CADPS2: variants seen among roughly 807,000 people sequenced by gnomAD.
The protein encoded by CADPS2 is calcium dependent secretion activator 2, also known as calcium-dependent secretion activator 2.
Under a neutral mutation model 172.5 loss-of-function variants are expected in CADPS2, and 93 were observed. The observed-to-expected ratio is 0.54, with a 90% CI of 0.46 to 0.64. CADPS2 has a LOEUF of 0.64. CADPS2 is among the 30% of genes least tolerant of loss of function. The pLI is 0.00. For synonymous variants in CADPS2, 546 were observed against 555.2 expected (o/e 0.98, Z 0.23); for missense variants, 1,420 against 1,565.9 (o/e 0.91, Z 1.57).
intron 1 of CADPS2, among the ~76,000 whole-genome samples, chr7:122,860,703 AT>A (rs1450994378): frequency 2.0e-5 from 3 of 152,180 alleles, no homozygotes; most frequent in African/African-American, 7.2e-5. Flanking sequence ...CTGTAATTTT[AT>A]ACCTGCTGAC....
chr7:122,576,814 C>T (rs531912690), intron 7 of CADPS2, among the ~76,000 whole-genome samples: 23 of 150,244 alleles, frequency 1.5e-4, no homozygotes, highest in African/African-American at 5.4e-4. Context: ...GCTCTGTTGC[C>T]CAGTGGCGCG....
intron 2 of CADPS2, among the ~76,000 whole-genome samples, chr7:122,728,109 C>G (rs1452131347): frequency 6.6e-6 from 1 of 151,822 alleles, no homozygotes; most frequent in Non-Finnish European, 1.5e-5. Flanking sequence ...GGTCAAACAT[C>G]CCTTGAAATA....
intron 2 of CADPS2, among the ~76,000 whole-genome samples, chr7:122,705,651 A>G (rs1457291292): frequency 1.0e-5 from 1 of 96,386 alleles, no homozygotes; most frequent in Non-Finnish European, 1.9e-5. Flanking sequence ...TATATTATAT[A>G]ATATATCTCA....
chr7:122,387,418 C>T (rs2043825268), intron 23 of CADPS2, among the ~76,000 whole-genome samples: 1 of 151,816 alleles, frequency 6.6e-6, no homozygotes, highest in African/African-American at 2.4e-5. Context: ...GTATTGCCAC[C>T]CAAATGAAGC....
chr7:122,716,037 T>C (rs1429419641), intron 2 of CADPS2, among the ~76,000 whole-genome samples: 2 of 152,120 alleles, frequency 1.3e-5, no homozygotes, highest in African/African-American at 2.4e-5. Flanking sequence ...AAAAAAAGTA[T>C]GTGAGGTGAT....
In CADPS2 at chr7:122,708,520, GATATATAT is replaced by G. The variant is rs57522086; in HGVS notation, c.453+28427_453+28434del. On this transcript the variant is annotated intron_variant, in intron 2 of 29. Transcript: ENST00000449022. ...GTAGATCCAAACATATTGTATTCGA[GATATATAT>G]ATATATATATATATATATATATATA... Among the ~76,000 whole-genome samples the G allele has an allele frequency of 8.9e-3, 1,031 of 115,576 alleles. 1 individual carries two copies. Among genetic ancestry groups the G allele is most frequent in the Non-Finnish European group, 0.012 (690 of 57,516 alleles). 75.8% of individuals were successfully genotyped at this position (115,576 alleles called of 152,430 possible). A position where few individuals can be genotyped will look rare whatever the true frequency, so the allele number is the denominator to read the frequency against.
intron 3 of CADPS2, among the ~76,000 whole-genome samples, chr7:122,656,799 G>C (rs2079850809): frequency 6.6e-6 from 1 of 152,166 alleles, no homozygotes; most frequent in Admixed American, 6.5e-5. Flanking sequence ...CTGTGCAGAA[G>C]ATCTTTAGTT....
chr7:122,508,466 T>G (rs1362519053), intron 9 of CADPS2, among the ~76,000 whole-genome samples: 6 of 135,764 alleles, frequency 4.4e-5, no homozygotes, highest in South Asian at 2.5e-4. Context: ...TTTTTTTTTT[T>G]TTTTTTTTTT....
intron 20 of CADPS2, 141 bp downstream of exon 20, chr7:122,407,399 A>T: frequency 1.2e-6 from 1 of 864,706 alleles, no homozygotes; most frequent in South Asian, 1.8e-5. Flanking sequence ...GCCTGACATA[A>T]TCGGGCAGGC....
At chr7:122,616,667 A>G (rs1331133284) in intron 5 of CADPS2, among the ~76,000 whole-genome samples, 1 of 152,150 alleles carries the variant, frequency 6.6e-6, no homozygotes, top group African/African-American at 2.4e-5. Context: ...AGACTAAGAA[A>G]ATTAATGGAG....
chr7:122,539,002 TAAATATC>T (rs1036587039), intron 8 of CADPS2, among the ~76,000 whole-genome samples: 2 of 152,092 alleles, frequency 1.3e-5, no homozygotes, highest in African/African-American at 4.8e-5. Flanking sequence ...TGAAAAAAAT[TAAATATC>T]TATAGCACAA....
At position 122,574,445 on chromosome 7, in the gene CADPS2, T is replaced by TAAAAAAAAAAAAAAAA. The variant is rs869077766; in HGVS notation, c.1335+6718_1335+6733dup. Among the ~76,000 whole-genome samples, 6 of 37,976 alleles carry TAAAAAAAAAAAAAAAA rather than the reference T, an allele frequency of 1.6e-4. 1 individual carries two copies. The highest frequency in any genetic ancestry group is 2.2e-4 in the Non-Finnish European group (5 of 22,812). 24.9% of individuals were successfully genotyped at this position (37,976 alleles called of 152,430 possible). A position where few individuals can be genotyped will look rare whatever the true frequency, so the allele number is the denominator to read the frequency against. ...TGGGTGATAGAGTGAGACCCTGTCT[T>TAAAAAAAAAAAAAAAA]AAAAAAAAAAAAAAAAAAAAAAAGT... On this transcript the variant is annotated intron_variant, in intron 7 of 29. Transcript: ENST00000449022.
At chr7:122,416,194 C>G (rs546067146) in intron 17 of CADPS2, 30 bp from the exon 18 acceptor site, 4 of 1,355,794 alleles carry the variant, frequency 3.0e-6, no homozygotes, top group East Asian at 5.1e-5. Context: ...AATCATGTTA[C>G]CTTGAAAATA....
intron 6 of CADPS2, among the ~76,000 whole-genome samples, chr7:122,607,046 CTACA>C (rs113088225): frequency 0.21 from 31,659 of 151,744 alleles, 3,459 homozygotes; most frequent in East Asian, 0.34. Context: ...ACAAAAGCAC[CTACA>C]TACATAGACA....
chr7:122,360,674 C>A (rs2040006737), intron 27 of CADPS2, 114 bp downstream of exon 27: 1 of 891,678 alleles, frequency 1.1e-6, no homozygotes, highest in Admixed American at 2.9e-5. Flanking sequence ...GGAAAATAAA[C>A]TACTCCCTAA....
In CADPS2 at chr7:122,330,719, A is replaced by G. The variant is rs1473782539; in HGVS notation, c.3613-5138T>C. The G allele has an allele frequency of 1.1e-4, 17 of 152,242 alleles. 1 individual carries two copies. The highest frequency in any genetic ancestry group is 1.0e-3 in the Admixed American group (16 of 15,278). 9.4% of individuals were successfully genotyped at this position (152,242 alleles called of 1,614,324 possible). ...TATGCCAATCAACATTCCCAGCTCA[A>G]TCCAGAGGCACTCATGGTGGGGGAA... On this transcript the variant is annotated intron_variant, in intron 28 of 29. Coordinates refer to ENST00000449022, the MANE Select transcript of CADPS2 (RefSeq NM_017954.11).
intron 7 of CADPS2, among the ~76,000 whole-genome samples, chr7:122,576,223 T>G (rs2068018349): frequency 6.6e-6 from 1 of 152,172 alleles, no homozygotes; most frequent in Non-Finnish European, 1.5e-5. Flanking sequence ...GCCTGGGTTT[T>G]GGGGCAAGAA....
At chr7:122,598,210 T>C (rs1057118461) in intron 6 of CADPS2, among the ~76,000 whole-genome samples, 2 of 151,990 alleles carry the variant, frequency 1.3e-5, no homozygotes, top group African/African-American at 2.4e-5. Flanking sequence ...TTTGGTTAAA[T>C]AGAAATATTC....
At chr7:122,776,935 G>A (rs1011216814) in intron 1 of CADPS2, among the ~76,000 whole-genome samples, 6 of 152,114 alleles carry the variant, frequency 3.9e-5, no homozygotes, top group Non-Finnish European at 8.8e-5. Flanking sequence ...ACGATTGCTT[G>A]AGCCCAGGAA....
Sources: allele counts gnomAD v4.1 joint callset (sites outside exome capture counted in the v4.1 genomes callset), GRCh38; gene constraint gnomAD v4.1.1; transcripts MANE v1.5; gene names NCBI Gene and HGNC (gene_info 2026-07-23, HGNC 2026-07-21).